BCL2: variants seen among roughly 807,000 people sequenced by gnomAD.
The protein encoded by BCL2 is BCL2 apoptosis regulator, also known as apoptosis regulator Bcl-2.
In BCL2, 1 loss-of-function variant was observed where a neutral mutation model predicts 14.2. That is an observed-to-expected ratio of 0.07 (90% confidence interval 0.02 to 0.33). The LOEUF (loss-of-function observed/expected upper bound fraction) is 0.33, where lower values mean the gene tolerates loss of function less well. BCL2 is among the 10% of genes least tolerant of loss of function. The probability of loss-of-function intolerance (pLI) is 0.99; values close to 1 mark genes in which losing one functional copy is unlikely to be tolerated. For synonymous variants in BCL2, 151 were observed against 137.2 expected, an observed-to-expected ratio of 1.10 and a Z score of -0.70; for missense variants, 247 against 305.9, an observed-to-expected ratio of 0.81 and a Z score of 1.44.
At chr18:63,255,196 C>T (rs757101531) in intron 2 of BCL2, among the ~76,000 whole-genome samples, 28 of 152,222 alleles carry the variant, frequency 1.8e-4, no homozygotes, top group Admixed American at 1.7e-3. Flanking sequence ...AAAGCCAGCA[C>T]TTGTCACCTT....
At position 63,127,270 on chromosome 18, in the gene BCL2, G is replaced by T. The variant is rs149940394; in HGVS notation, c.*1355C>A. On this transcript the variant is annotated 3_prime_UTR_variant, in exon 3 of 3. Coordinates refer to ENST00000333681, the MANE Select transcript of BCL2 (RefSeq NM_000633.3). Reference sequence around the variant, plus strand: ...GCTTTAAACTCACAGGTGGGCCAAGGCCACACAGCCAACGTGCCATGTGCT... The same window carrying T: ...GCTTTAAACTCACAGGTGGGCCAAGTCCACACAGCCAACGTGCCATGTGCT... The T allele has an allele frequency of 2.6e-5, 6 of 231,428 alleles. No homozygotes were observed. Among genetic ancestry groups the T allele is most frequent in the Non-Finnish European group, 5.1e-5 (6 of 116,852 alleles). The allele number at this position is 231,428 out of a possible 1,614,324, so 14.3% of individuals were successfully genotyped here.
rs1315964537 is a variant in BCL2 at position 63,149,722 on chromosome 18, TGAA to T, written c.586-20966_586-20964del. Among the ~76,000 whole-genome samples the T allele has an allele frequency of 6.6e-6, 1 of 152,148 alleles. No homozygotes were observed. The highest frequency in any genetic ancestry group is 1.5e-5 in the Non-Finnish European group (1 of 68,028). ...ACAGTGACCGGCAGATGATTAACAG[TGAA>T]GAAGAGAGGAGATGTCACTAATAAT... On this transcript the variant is annotated intron_variant, in intron 2 of 2. Coordinates refer to ENST00000333681, the MANE Select transcript of BCL2 (RefSeq NM_000633.3). The surrounding 1 kb of genome is among the most constrained non-coding windows in gnomAD (Gnocchi z 4.2).
At chr18:63,157,658 AC>A (rs1178627685) in intron 2 of BCL2, among the ~76,000 whole-genome samples, 1 of 152,214 alleles carries the variant, frequency 6.6e-6, no homozygotes, top group Non-Finnish European at 1.5e-5. Flanking sequence ...CCATCAAAAT[AC>A]CATGAAGAGA....
chr18:63,259,658 G>A (rs1410440193), intron 2 of BCL2, among the ~76,000 whole-genome samples: 1 of 152,218 alleles, frequency 6.6e-6, no homozygotes, highest in Non-Finnish European at 1.5e-5. Flanking sequence ...ACCCACCTAC[G>A]TGGTTATCAG....
intron 2 of BCL2, among the ~76,000 whole-genome samples, chr18:63,222,496 A>C (rs1219262258): frequency 6.6e-6 from 1 of 152,170 alleles, no homozygotes; most frequent in Non-Finnish European, 1.5e-5. Flanking sequence ...TAAAAATATT[A>C]TAGTGATAAA....
At chr18:63,132,768 C>T (rs527868740) in intron 2 of BCL2, among the ~76,000 whole-genome samples, 6 of 152,292 alleles carry the variant, frequency 3.9e-5, no homozygotes, top group African/African-American at 1.4e-4. Context: ...TCTGTTTGAA[C>T]AGTCTGTCAT....
chr18:63,154,249 T>C (rs954295740), intron 2 of BCL2, among the ~76,000 whole-genome samples: 2 of 152,198 alleles, frequency 1.3e-5, no homozygotes, highest in African/African-American at 2.4e-5. Context: ...TCTCTTAGGA[T>C]GTCTCCTCTT....
chr18:63,307,362 A>G (rs1913176755), intron 2 of BCL2, among the ~76,000 whole-genome samples: 1 of 152,234 alleles, frequency 6.6e-6, no homozygotes. Flanking sequence ...TTAATTTTTA[A>G]TTGAGCCAAA....
chr18:63,249,812 C>T (rs1911255481), intron 2 of BCL2, among the ~76,000 whole-genome samples: 1 of 150,922 alleles, frequency 6.6e-6, no homozygotes, highest in Non-Finnish European at 1.5e-5. Flanking sequence ...CAACATGACA[C>T]GTTTGACTCA....
chr18:63,248,087 G>A (rs542587703), intron 2 of BCL2, among the ~76,000 whole-genome samples: 21 of 152,226 alleles, frequency 1.4e-4, no homozygotes, highest in Admixed American at 2.0e-4. Context: ...TTCATTTCAC[G>A]CTTCTCTTAA....
At chr18:63,289,496 T>G in intron 2 of BCL2, among the ~76,000 whole-genome samples, 1 of 151,442 alleles carries the variant, frequency 6.6e-6, no homozygotes, top group Non-Finnish European at 1.5e-5. Flanking sequence ...TGCTAAGGAG[T>G]AGCAGGGAAT....
intron 2 of BCL2, among the ~76,000 whole-genome samples, chr18:63,132,428 T>C (rs1914092974): frequency 6.6e-6 from 1 of 152,208 alleles, no homozygotes; most frequent in South Asian, 2.1e-4. Context: ...CAGAAGCAAT[T>C]TCCTCTCTTA....
At chr18:63,279,772 G>A (rs748118366) in intron 2 of BCL2, among the ~76,000 whole-genome samples, 17 of 152,100 alleles carry the variant, frequency 1.1e-4, no homozygotes, top group Non-Finnish European at 1.8e-4. Context: ...TCTCACAAAC[G>A]TAACTATGAG....
At chr18:63,174,299 T>C (rs527769775) in intron 2 of BCL2, among the ~76,000 whole-genome samples, 19 of 152,230 alleles carry the variant, frequency 1.2e-4, no homozygotes, top group Admixed American at 1.3e-4. Context: ...CAAAACTCAA[T>C]GAGAAACACA....
intron 2 of BCL2, among the ~76,000 whole-genome samples, chr18:63,261,537 T>G (rs901490567): frequency 6.6e-6 from 1 of 152,116 alleles, no homozygotes; most frequent in Non-Finnish European, 1.5e-5. Context: ...TTTCCTCCCA[T>G]AAGACAACTC....
intron 2 of BCL2, among the ~76,000 whole-genome samples, chr18:63,283,986 C>A (rs530955588): frequency 4.6e-5 from 7 of 152,204 alleles, no homozygotes; most frequent in African/African-American, 1.2e-4. Flanking sequence ...AGCAAAGAAC[C>A]CTTACTTTTC....
intron 2 of BCL2, among the ~76,000 whole-genome samples, chr18:63,176,103 C>T (rs1272081871): frequency 2.6e-5 from 4 of 152,234 alleles, no homozygotes; most frequent in Admixed American, 6.5e-5. Context: ...CTGTTCTGTT[C>T]GCTCTGGTCA....
At chr18:63,148,577 G>C (rs943938017) in intron 2 of BCL2, among the ~76,000 whole-genome samples, 1 of 151,984 alleles carries the variant, frequency 6.6e-6, no homozygotes. Context: ...TGGATCAGGA[G>C]TAAACCTCTC....
chr18:63,194,403 G>A (rs933248334), intron 2 of BCL2, among the ~76,000 whole-genome samples: 30 of 149,732 alleles, frequency 2.0e-4, no homozygotes, highest in African/African-American at 6.9e-4. Flanking sequence ...GCATGATCTC[G>A]GCTCACTGCA....
Sources: allele counts gnomAD v4.1 joint callset (sites outside exome capture counted in the v4.1 genomes callset), GRCh38; gene constraint gnomAD v4.1.1; non-coding constraint Gnocchi (gnomAD v3.1); transcripts MANE v1.5; gene names NCBI Gene and HGNC (gene_info 2026-07-23, HGNC 2026-07-21).